Variants in HCFC2 observed in about 807,000 individuals in gnomAD.
The protein encoded by HCFC2 is host cell factor C2.
A neutral mutation model predicts 89.2 loss-of-function variants in HCFC2; 18 were observed. The observed-to-expected ratio is 0.20, with a 90% CI of 0.14 to 0.30. The LOEUF (loss-of-function observed/expected upper bound fraction) is 0.30, where lower values mean the gene tolerates loss of function less well. HCFC2 is among the 10% of genes least tolerant of loss of function. The probability of loss-of-function intolerance (pLI) is 1.00; values close to 1 mark genes in which losing one functional copy is unlikely to be tolerated. For synonymous variants in HCFC2, 308 were observed against 335.7 expected, an observed-to-expected ratio of 0.92 and a Z score of 0.90; for missense variants, 578 against 956.1, an observed-to-expected ratio of 0.60 and a Z score of 5.21.
intron 9 of HCFC2, among the ~76,000 whole-genome samples, chr12:104,089,781 A>G (rs1883972769): frequency 6.6e-6 from 1 of 152,132 alleles, no homozygotes; most frequent in Non-Finnish European, 1.5e-5. Context: ...CTCCTTTTTC[A>G]TGCAACTTTG....
At chr12:104,092,301 A>G (rs900051883) in intron 9 of HCFC2, among the ~76,000 whole-genome samples, 1 of 152,068 alleles carries the variant, frequency 6.6e-6, no homozygotes, top group Admixed American at 6.6e-5. Flanking sequence ...CCTCATCTCT[A>G]CAAAATATAG....
chr12:104,070,717 G>A (rs1270515024), intron 3 of HCFC2, among the ~76,000 whole-genome samples: 1 of 147,132 alleles, frequency 6.8e-6, no homozygotes, highest in East Asian at 2.0e-4. Context: ...TTAAAATATA[G>A]AAATACTAAA....
chr12:104,080,867 T>TA (rs772601796), intron 5 of HCFC2, 37 bp downstream of exon 5: 14 of 1,324,846 alleles, frequency 1.1e-5, no homozygotes, highest in South Asian at 7.7e-5. Context: ...CTGTTTTTTT[T>TA]AAAAAAACAA....
Position 104,082,911 on chromosome 12 carries a change from A to C in HCFC2, c.1063+10A>C. Reference sequence around the variant, plus strand: ...TGGTATCTTGATACTGGTAGGTAAGAATATTTAACAAATAAACTTTTTCCT... The same window carrying C: ...TGGTATCTTGATACTGGTAGGTAAGCATATTTAACAAATAAACTTTTTCCT... On this transcript the variant is annotated intron_variant, in intron 7 of 14. Coordinates refer to ENST00000229330, the MANE Select transcript of HCFC2 (RefSeq NM_013320.3). The C allele has an allele frequency of 6.4e-7, 1 of 1,571,542 alleles. No homozygotes were observed. Among genetic ancestry groups the C allele is most frequent in the Non-Finnish European group, 8.6e-7 (1 of 1,160,382 alleles).
rs2029996234 is a variant in HCFC2 at position 104,102,976 on chromosome 12, C to T, written c.2082C>T (p.His694=). 13 of 1,607,522 alleles carry T rather than the reference C, an allele frequency of 8.1e-6. No individual in the cohort carries two copies. Among genetic ancestry groups the T allele is most frequent in the Admixed American group, 1.7e-5 (1 of 59,818 alleles). The change falls in exon 15 of 15, where the codon CAC becomes CAT. Residue 694 remains histidine (H), a synonymous_variant. Coordinates refer to ENST00000229330, the MANE Select transcript of HCFC2 (RefSeq NM_013320.3). ...VRISKNVEGI[H]LSWEPPTSPS... ...CCTTCAAGAATGTTGAAGGTATCCA[C>T]CTTTCCTGGGAACCTCCAACCTCAC...
Position 104,104,335 on chromosome 12 carries a change from C to G in HCFC2, c.*1062C>G, listed in dbSNP as rs1288302405. On this transcript the variant is annotated 3_prime_UTR_variant, in exon 15 of 15. Transcript: ENST00000229330. ...CTATGAAAATATAAGCATTAGACAG[C>G]TAACTCAGGTTCCATTACAACCTTA... The G allele has an allele frequency of 6.6e-6, 1 of 151,924 alleles. No individual in the cohort carries two copies. The highest frequency in any genetic ancestry group is 1.5e-5 in the Non-Finnish European group (1 of 67,874). The allele number at this position is 151,924 out of a possible 1,614,324, so 9.4% of individuals were successfully genotyped here.
intron 13 of HCFC2, among the ~76,000 whole-genome samples, chr12:104,100,676 C>G (rs1319526094): frequency 3.9e-5 from 6 of 152,072 alleles, no homozygotes. Context: ...AGGATTATAT[C>G]CTATATATTT....
At position 104,064,619 on chromosome 12, in the gene HCFC2, C is replaced by T; in HGVS notation, c.59C>T (p.Pro20Leu). The T allele has an allele frequency of 1.3e-6, 2 of 1,578,184 alleles. No individual in the cohort carries two copies. Among genetic ancestry groups the T allele is most frequent in the East Asian group, 2.5e-5 (1 of 39,786 alleles). Residue 20 changes from proline (P) to leucine (L), a missense_variant, in exon 1 of 15, where the codon CCC becomes CTC. Physicochemically the swap from Pro to Leu is moderately conservative, Grantham distance 98. Coordinates refer to ENST00000229330, the MANE Select transcript of HCFC2 (RefSeq NM_013320.3). The surrounding 1 kb of genome is among the most constrained non-coding windows in gnomAD (Gnocchi z 7.3). ...RRVSSFTGPV[P>L]RARHGHRAVA... ...GTTTCTTCCTTCACGGGGCCGGTCC[C>T]CCGCGCCCGGCACGGACACCGAGCG...
At chr12:104,070,294 C>T (rs2136594601) in intron 3 of HCFC2, among the ~76,000 whole-genome samples, 2 of 152,294 alleles carry the variant, frequency 1.3e-5, no homozygotes, top group Admixed American at 1.3e-4. Context: ...TCCCAAAGTG[C>T]TGGGATTACA....
rs1046825248 is a variant in HCFC2 at position 104,095,296 on chromosome 12, C to T, written c.1463-64C>T. On this transcript the variant is annotated intron_variant, in intron 10 of 14. Coordinates refer to ENST00000229330, the MANE Select transcript of HCFC2 (RefSeq NM_013320.3). This position sits in a 1 kb window ranked among gnomAD's most constrained non-coding sequence, Gnocchi z 4.2. ...AGTACCAAGAATCATATGACAAGAA[C>T]GATAAGACACAACAATTATCTGCAG... 22 of 1,258,120 alleles carry T rather than the reference C, an allele frequency of 1.7e-5. No individual in the cohort carries two copies. Among genetic ancestry groups the T allele is most frequent in the African/African-American group, 7.4e-5 (5 of 67,634 alleles). 77.9% of individuals were successfully genotyped at this position (1,258,120 alleles called of 1,614,324 possible).
At chr12:104,075,457 C>CTT (rs35657094) in intron 3 of HCFC2, among the ~76,000 whole-genome samples, 15,588 of 118,008 alleles carry the variant, frequency 0.13, 1,674 homozygotes, top group Admixed American at 0.2. Context: ...TGTTCCTAAC[C>CTT]TTTTTTTTTT....
At chr12:104,065,947 G>C (rs535885957) in intron 1 of HCFC2, among the ~76,000 whole-genome samples, 1 of 152,166 alleles carries the variant, frequency 6.6e-6, no homozygotes, top group Admixed American at 6.5e-5. Context: ...CCTGTACATT[G>C]TAAGATGTTT....
rs1884011675 is a variant in HCFC2, at chr12:104,091,141, T to C, written c.1285-2245T>C. ...GTAGGGGTGCCTCTCCCCATACTTG[T>C]ATCATCCTCATACTTGTATCACTTG... On this transcript the variant is annotated intron_variant, in intron 9 of 14. Transcript: ENST00000229330. Among the ~76,000 whole-genome samples, 2 of 152,232 alleles carry C rather than the reference T, an allele frequency of 1.3e-5. 1 individual carries two copies. Among genetic ancestry groups the C allele is most frequent in the South Asian group, 4.1e-4 (2 of 4,834 alleles).
intron 1 of HCFC2, chr12:104,065,324 C>G (rs1171575637): frequency 2.0e-5 from 3 of 152,288 alleles, no homozygotes; most frequent in African/African-American, 7.2e-5. Flanking sequence ...TCTGGACTGG[C>G]CCTCGGAAAG....
At position 104,066,305 on chromosome 12, in the gene HCFC2, A is replaced by T; in HGVS notation, c.302A>T (p.Tyr101Phe). The T allele has an allele frequency of 6.3e-7, 1 of 1,595,614 alleles. No individual in the cohort carries two copies. Among genetic ancestry groups the T allele is most frequent in the Non-Finnish European group, 8.5e-7 (1 of 1,171,604 alleles). ...TATGGAAGATACAGCAATGAGTTAT[A>T]TGAGTTACAAGTAAGTGTATTTAAT... ...VEYGRYSNEL[Y>F]ELQASRWLWK... The change falls in exon 2 of 15, where the codon TAT becomes TTT. Residue 101 changes from tyrosine to phenylalanine, a missense_variant. Physicochemically the swap from Tyr to Phe is conservative, Grantham distance 22. This residue lies in a region of HCFC2 where 206 missense variants were observed against 419.2 expected (regional missense o/e 0.49). Transcript: ENST00000229330.
In HCFC2 at chr12:104,064,783, C is replaced by A; in HGVS notation, c.163+60C>A. The A allele has an allele frequency of 6.8e-7, 1 of 1,470,300 alleles. No individual in the cohort carries two copies. Among genetic ancestry groups the A allele is most frequent in the Non-Finnish European group, 9.0e-7 (1 of 1,106,668 alleles). The allele number at this position is 1,470,300 out of a possible 1,614,324, so 91.1% of individuals were successfully genotyped here. A position where few individuals can be genotyped will look rare whatever the true frequency, so the allele number is the denominator to read the frequency against. ...TGGAGCTGCGGAGGGGGAGGGGAGG[C>A]GAGGCGGCGGCCGCGGCCCTGACAG... On this transcript the variant is annotated intron_variant, in intron 1 of 14. Transcript: ENST00000229330. This position sits in a 1 kb window ranked among gnomAD's most constrained non-coding sequence, Gnocchi z 7.3.
chr12:104,070,906 G>A (rs1478853962), intron 3 of HCFC2, among the ~76,000 whole-genome samples: 2 of 148,814 alleles, frequency 1.3e-5, no homozygotes, highest in East Asian at 2.0e-4. Context: ...CCGGGTTCAC[G>A]CCATTCTCCT....
Position 104,068,069 on chromosome 12 carries a change from G to A in HCFC2, c.435G>A (p.Leu145=). ...ACAAATGCTATTTGTTTGGTGGCCT[G>A]GCAAACGAAAGCGAAGATTCAAACA... ...YGNKCYLFGG[L]ANESEDSNNN... Residue 145 remains leucine (L), a synonymous_variant, in exon 3 of 15, where the codon CTG becomes CTA. Coordinates refer to ENST00000229330, the MANE Select transcript of HCFC2 (RefSeq NM_013320.3). The surrounding 1 kb of genome is among the most constrained non-coding windows in gnomAD (Gnocchi z 4.1). 1.9e-6 allele frequency: 3 copies of A among 1,597,086 alleles called. No individual in the cohort carries two copies. Among genetic ancestry groups the A allele is most frequent in the Non-Finnish European group, 2.6e-6 (3 of 1,173,504 alleles).
Position 104,103,776 on chromosome 12 carries a change from T to C in HCFC2, c.*503T>C, listed in dbSNP as rs1459936945. ...ATGTGTGATACTATAATAATTCTAATAGTTATTTGATTCCTTTCTTTGTTT... is the reference window on the plus strand; with the variant it reads ...ATGTGTGATACTATAATAATTCTAACAGTTATTTGATTCCTTTCTTTGTTT... On this transcript the variant is annotated 3_prime_UTR_variant, in exon 15 of 15. Coordinates refer to ENST00000229330, the MANE Select transcript of HCFC2 (RefSeq NM_013320.3). 6.6e-6 allele frequency: 1 copy of C among 152,210 alleles called. No homozygotes were observed. Among genetic ancestry groups the C allele is most frequent in the Admixed American group, 6.5e-5 (1 of 15,284 alleles). The allele number at this position is 152,210 out of a possible 1,614,324, so 9.4% of individuals were successfully genotyped here. A position where few individuals can be genotyped will look rare whatever the true frequency, so the allele number is the denominator to read the frequency against.
Sources: allele counts gnomAD v4.1 joint callset (sites outside exome capture counted in the v4.1 genomes callset), GRCh38; gene constraint gnomAD v4.1.1; regional missense constraint gnomAD v4.1.1; non-coding constraint Gnocchi (gnomAD v3.1); transcripts MANE v1.5; gene names NCBI Gene and HGNC (gene_info 2026-07-23, HGNC 2026-07-21).